The following VSNL1 variants were observed in gnomAD, a reference collection of about 807,000 sequenced individuals.
VSNL1 encodes the protein visinin like 1.
In VSNL1, 6 loss-of-function variants were observed where a neutral mutation model predicts 20.4. That is an observed-to-expected ratio of 0.29 (90% CI 0.16 to 0.58). The LOEUF is 0.58. VSNL1 is among the 20% of genes least tolerant of loss of function. VSNL1 has a pLI of 0.90. For synonymous variants in VSNL1, 93 were observed against 86.4 expected, an observed-to-expected ratio of 1.08 and a Z score of -0.42; for missense variants, 100 against 234.5, an observed-to-expected ratio of 0.43 and a Z score of 3.75.
chr2:17,569,135 T>C (rs948526023), intron 1 of VSNL1, among the ~76,000 whole-genome samples: 3 of 151,878 alleles, frequency 2.0e-5, no homozygotes, highest in African/African-American at 7.3e-5. Flanking sequence ...GGCGAAACCC[T>C]GTCTCTACTA....
intron 1 of VSNL1, among the ~76,000 whole-genome samples, chr2:17,553,874 T>C (rs1187517359): frequency 6.6e-6 from 1 of 152,212 alleles, no homozygotes; most frequent in Admixed American, 6.5e-5. Context: ...TAGTTTGTTT[T>C]TAATAAAGAA....
At chr2:17,645,237 C>A (rs1470339803) in intron 2 of VSNL1, among the ~76,000 whole-genome samples, 1 of 152,264 alleles carries the variant, frequency 6.6e-6, no homozygotes, top group Non-Finnish European at 1.5e-5. Flanking sequence ...TGCCACCCCT[C>A]CTGACACAGC....
chr2:17,605,246 C>T (rs1056484527), intron 2 of VSNL1, among the ~76,000 whole-genome samples: 3 of 152,214 alleles, frequency 2.0e-5, no homozygotes, highest in African/African-American at 7.2e-5. Context: ...CAGCAAAGAT[C>T]CTTCTCTGCA....
chr2:17,600,178 T>C (rs1664792624), intron 2 of VSNL1, among the ~76,000 whole-genome samples: 2 of 152,204 alleles, frequency 1.3e-5, no homozygotes, highest in South Asian at 4.1e-4. Flanking sequence ...ACACTAGCAG[T>C]GTGAATATGG....
chr2:17,628,218 C>T lies in VSNL1; in HGVS notation c.163-21192C>T, dbSNP rs116311127. Among the ~76,000 whole-genome samples, 679 of 152,336 alleles carry T rather than the reference C, an allele frequency of 4.5e-3. 3 individuals carry two copies. The highest frequency in any genetic ancestry group is 6.9e-3 in the Non-Finnish European group (471 of 68,030). ...GTGTGAGTTATTGAGGACAGCAGTC[C>T]ATCTTGGCTCTTTCTGGATTCACCT... On this transcript the variant is annotated intron_variant, in intron 2 of 3. Coordinates refer to ENST00000295156, the MANE Select transcript of VSNL1 (RefSeq NM_003385.5).
At chr2:17,599,857 G>A (rs1169001474) in intron 2 of VSNL1, among the ~76,000 whole-genome samples, 1 of 152,152 alleles carries the variant, frequency 6.6e-6, no homozygotes, top group Non-Finnish European at 1.5e-5. Flanking sequence ...TGCTTCCTGT[G>A]TCCTGGGAGT....
At chr2:17,552,886 A>G (rs1663578063) in intron 1 of VSNL1, among the ~76,000 whole-genome samples, 1 of 152,216 alleles carries the variant, frequency 6.6e-6, no homozygotes, top group Admixed American at 6.5e-5. Flanking sequence ...TGTGGCTTTA[A>G]ACTAAAGATA....
intron 2 of VSNL1, among the ~76,000 whole-genome samples, chr2:17,642,309 C>CTATTTTTTT (rs1665897688): frequency 1.1e-5 from 1 of 93,194 alleles, no homozygotes; most frequent in Non-Finnish European, 2.3e-5. Context: ...GTGAGCATTC[C>CTATTTTTTT]TTTTTTTTTT....
At chr2:17,588,804 A>G (rs1219401636) in intron 1 of VSNL1, among the ~76,000 whole-genome samples, 1 of 152,208 alleles carries the variant, frequency 6.6e-6, no homozygotes. Context: ...TTATATTTAT[A>G]CTTGTGAATG....
intron 2 of VSNL1, among the ~76,000 whole-genome samples, chr2:17,643,411 TCTGCA>T (rs1385884787): frequency 1.3e-5 from 2 of 152,200 alleles, no homozygotes; most frequent in Non-Finnish European, 2.9e-5. Context: ...TGGTGAGCCT[TCTGCA>T]GCACAGCCGG....
At chr2:17,549,207 A>G (rs915029181) in intron 1 of VSNL1, among the ~76,000 whole-genome samples, 1 of 152,208 alleles carries the variant, frequency 6.6e-6, no homozygotes, top group Admixed American at 6.5e-5. Context: ...AATAAATGGC[A>G]GAAGAGGGAG....
Position 17,655,419 on chromosome 2 carries a change from A to G in VSNL1, c.*25A>G. ...AGCTGATGTCAATGCTATGGACTGC[A>G]CAAAAGTCTCAATGTTCCATTCAGT... On this transcript the variant is annotated 3_prime_UTR_variant, in exon 4 of 4. Transcript: ENST00000295156. This position sits in a 1 kb window ranked among gnomAD's most constrained non-coding sequence, Gnocchi z 5.2. The G allele has an allele frequency of 6.3e-7, 1 of 1,596,576 alleles. No homozygotes were observed. Among genetic ancestry groups the G allele is most frequent in the South Asian group, 1.1e-5 (1 of 90,708 alleles).
chr2:17,619,717 T>A (rs935384072), intron 2 of VSNL1, among the ~76,000 whole-genome samples: 10 of 152,140 alleles, frequency 6.6e-5, no homozygotes, highest in Non-Finnish European at 1.3e-4. Context: ...TTGTGCTCCA[T>A]CATTTGCCTC....
At chr2:17,626,811 C>A (rs752844630) in intron 2 of VSNL1, among the ~76,000 whole-genome samples, 1 of 152,152 alleles carries the variant, frequency 6.6e-6, no homozygotes, top group African/African-American at 2.4e-5. Context: ...TGGGTAGAAG[C>A]CTCACTAAGA....
intron 1 of VSNL1, among the ~76,000 whole-genome samples, chr2:17,556,226 A>C (rs1663674559): frequency 6.6e-6 from 1 of 152,220 alleles, no homozygotes; most frequent in Admixed American, 6.5e-5. Context: ...ATGCAGGCAG[A>C]GTCCATATGC....
At chr2:17,651,137 C>T (rs1366389151) in intron 3 of VSNL1, among the ~76,000 whole-genome samples, 1 of 152,164 alleles carries the variant, frequency 6.6e-6, no homozygotes, top group Non-Finnish European at 1.5e-5. Context: ...GACTTCTTGT[C>T]ATTTCCCCTC....
At chr2:17,588,719 G>A (rs1258437002) in intron 1 of VSNL1, among the ~76,000 whole-genome samples, 3 of 152,178 alleles carry the variant, frequency 2.0e-5, no homozygotes, top group Non-Finnish European at 4.4e-5. Context: ...TTTTAATGAT[G>A]AAGACAATCT....
chr2:17,646,417 G>A (rs961446079), intron 2 of VSNL1, among the ~76,000 whole-genome samples: 3 of 152,156 alleles, frequency 2.0e-5, no homozygotes, highest in Non-Finnish European at 4.4e-5. Context: ...TGGCAGAAAC[G>A]GTCAGACAGA....
chr2:17,581,710 C>G (rs1425300932), intron 1 of VSNL1, among the ~76,000 whole-genome samples: 1 of 152,160 alleles, frequency 6.6e-6, no homozygotes, highest in Non-Finnish European at 1.5e-5. Context: ...CATGACACTG[C>G]TTTTCTCTCC....
Sources: gnomAD v4.1 joint callset for allele counts (sites outside exome capture counted in the v4.1 genomes callset) on GRCh38, gnomAD v4.1.1 for gene constraint, Gnocchi (gnomAD v3.1) non-coding constraint, MANE v1.5 for transcripts, NCBI Gene and HGNC (gene_info 2026-07-23, HGNC 2026-07-21) for gene names.